ITGB3BP: variants seen among roughly 807,000 people sequenced by gnomAD.
ITGB3BP encodes the protein integrin subunit beta 3 binding protein, also known as centromere protein R.
Under a neutral mutation model 29.1 loss-of-function variants are expected in ITGB3BP, and 27 were observed. The ratio of observed to expected loss-of-function variants is 0.93; its 90% confidence interval spans 0.68 to 1.28. The LOEUF (loss-of-function observed/expected upper bound fraction) is 1.28. Among genes scored for constraint, ITGB3BP ranks in the 50% most tolerant of loss-of-function variants. The pLI is 0.00. For missense variants in ITGB3BP, 192 were observed against 200.2 expected (o/e 0.96, Z 0.25); for synonymous variants, 61 against 61.4 (o/e 0.99, Z 0.03).
intron 2 of ITGB3BP, among the ~76,000 whole-genome samples, chr1:63,502,849 T>A (rs997007759): frequency 6.6e-6 from 1 of 152,170 alleles, no homozygotes; most frequent in African/African-American, 2.4e-5. Flanking sequence ...GAACTCATCA[T>A]TTTTTATGGC....
chr1:63,479,320 CTTTTAA>C (rs1231970332), intron 3 of ITGB3BP, among the ~76,000 whole-genome samples: 1 of 151,838 alleles, frequency 6.6e-6, no homozygotes, highest in Non-Finnish European at 1.5e-5. Flanking sequence ...GTAAAAGTAC[CTTTTAA>C]TTTTATTTTT....
At chr1:63,482,027 C>G (rs1043007731) in intron 3 of ITGB3BP, among the ~76,000 whole-genome samples, 2 of 151,920 alleles carry the variant, frequency 1.3e-5, no homozygotes, top group East Asian at 3.9e-4. Flanking sequence ...AATCCTAGCA[C>G]TTTGGGAGGC....
chr1:63,470,736 G>A (rs957659686), intron 4 of ITGB3BP, among the ~76,000 whole-genome samples: 6 of 152,092 alleles, frequency 3.9e-5, no homozygotes, highest in African/African-American at 1.4e-4. Flanking sequence ...TTGTCTTTGG[G>A]TAAATATATG....
chr1:63,465,255 C>G (rs79001771), intron 4 of ITGB3BP, among the ~76,000 whole-genome samples: 1,921 of 152,160 alleles, frequency 0.013, 41 homozygotes, highest in African/African-American at 0.044. Flanking sequence ...GTACATGTGA[C>G]AAAATGTTAA....
chr1:63,509,376 G>A (rs1232959716), intron 1 of ITGB3BP, among the ~76,000 whole-genome samples: 1 of 152,160 alleles, frequency 6.6e-6, no homozygotes, highest in Non-Finnish European at 1.5e-5. Flanking sequence ...AGTTTTTTCA[G>A]TGACAAATGC....
intron 7 of ITGB3BP, chr1:63,447,577 G>T: frequency 2.0e-6 from 1 of 497,414 alleles, no homozygotes; most frequent in East Asian, 5.7e-5. Context: ...AGGAGAGCTG[G>T]GGAGAGCTTC....
chr1:63,449,759 C>G (rs1381648273), intron 7 of ITGB3BP: 1 of 154,488 alleles, frequency 6.5e-6, no homozygotes, highest in Non-Finnish European at 1.5e-5. Context: ...TCTGTTGTTT[C>G]TCCTAAAAGT....
At position 63,464,588 on chromosome 1, in the gene ITGB3BP, T is replaced by C. The variant is rs549394177; in HGVS notation, c.255-9620A>G. ...ATTATGACTATGGCAATCATTACAGTAATAACTGACTCAGGCAAGAATCAT... is the reference window on the plus strand; with the variant it reads ...ATTATGACTATGGCAATCATTACAGCAATAACTGACTCAGGCAAGAATCAT... On this transcript the variant is annotated intron_variant, in intron 4 of 8. Transcript: ENST00000271002. Among the ~76,000 whole-genome samples the C allele has an allele frequency of 6.2e-4, 94 of 152,304 alleles. 1 individual carries two copies. The highest frequency in any genetic ancestry group is 7.2e-4 in the Non-Finnish European group (49 of 68,014).
chr1:63,492,451 C>G (rs1220998399), intron 2 of ITGB3BP, among the ~76,000 whole-genome samples: 1 of 152,138 alleles, frequency 6.6e-6, no homozygotes, highest in African/African-American at 2.4e-5. Context: ...CCTAAGTTTT[C>G]TTTCCCTCAA....
At chr1:63,442,571 CTT>C (rs1305009719) in intron 8 of ITGB3BP, 1 of 152,164 alleles carries the variant, frequency 6.6e-6, no homozygotes, top group Non-Finnish European at 1.5e-5. Context: ...AAGATTTAAA[CTT>C]AGTGTGAGAA....
intron 8 of ITGB3BP, among the ~76,000 whole-genome samples, chr1:63,442,317 A>G (rs1033793438): frequency 2.0e-5 from 3 of 152,236 alleles, no homozygotes; most frequent in African/African-American, 7.2e-5. Flanking sequence ...TACTAGTAAC[A>G]TTACACAAAT....
intron 1 of ITGB3BP, 159 bp downstream of exon 1, chr1:63,522,970 G>C (rs1412417358): frequency 1.2e-6 from 1 of 833,854 alleles, no homozygotes; most frequent in East Asian, 2.4e-5. Flanking sequence ...AGGAGACGTA[G>C]AGTTGAGGGT....
At chr1:63,477,251 C>G (rs1305416720) in intron 4 of ITGB3BP, among the ~76,000 whole-genome samples, 1 of 152,172 alleles carries the variant, frequency 6.6e-6, no homozygotes, top group Non-Finnish European at 1.5e-5. Flanking sequence ...CTATATAGTT[C>G]AGCTATATTA....
At chr1:63,502,974 A>G (rs1465379931) in intron 2 of ITGB3BP, among the ~76,000 whole-genome samples, 3 of 152,152 alleles carry the variant, frequency 2.0e-5, no homozygotes, top group African/African-American at 7.2e-5. Context: ...CAATAAACAT[A>G]CGTGTGCATG....
chr1:63,453,169 T>C (rs566491049), intron 7 of ITGB3BP, among the ~76,000 whole-genome samples: 51 of 152,310 alleles, frequency 3.3e-4, no homozygotes, highest in African/African-American at 1.0e-3. Flanking sequence ...TCTTTCCACA[T>C]TGCTGTAAAG....
chr1:63,472,019 C>T (rs1439688762), intron 4 of ITGB3BP, among the ~76,000 whole-genome samples: 4 of 148,750 alleles, frequency 2.7e-5, no homozygotes, highest in Non-Finnish European at 5.9e-5. Flanking sequence ...TCCTAGACCT[C>T]GTCATCCGCC....
intron 1 of ITGB3BP, 141 bp downstream of exon 1, chr1:63,522,988 G>C: frequency 1.1e-6 from 1 of 945,674 alleles, no homozygotes. Flanking sequence ...GGTACCAAGC[G>C]AAGGGAATTG....
chr1:63,503,162 C>G (rs1645982291), intron 2 of ITGB3BP, among the ~76,000 whole-genome samples: 3 of 152,136 alleles, frequency 2.0e-5, no homozygotes, highest in Admixed American at 1.3e-4. Flanking sequence ...TTCTCCACAT[C>G]CTCTCCAGCA....
chr1:63,522,931 A>G (rs756166881), intron 1 of ITGB3BP, 198 bp downstream of exon 1: 1 of 769,088 alleles, frequency 1.3e-6, no homozygotes, highest in South Asian at 1.4e-5. Context: ...ACAGAAAGCG[A>G]AGGAGGACTA....
Sources: gnomAD v4.1 joint callset for allele counts (sites outside exome capture counted in the v4.1 genomes callset) on GRCh38, gnomAD v4.1.1 for gene constraint, MANE v1.5 for transcripts, NCBI Gene and HGNC (gene_info 2026-07-23, HGNC 2026-07-21) for gene names.